Variants in PHLPP1 observed in about 807,000 individuals in gnomAD.
PHLPP1 encodes the protein PH domain leucine-rich repeat-containing protein phosphatase 1.
In PHLPP1, 42 loss-of-function variants were observed where a neutral mutation model predicts 117.2. That is an observed-to-expected ratio of 0.36 (90% CI 0.28 to 0.46). The LOEUF (loss-of-function observed/expected upper bound fraction) is 0.46. Ranked by LOEUF, PHLPP1 falls within the 20% of genes least tolerant of loss-of-function variation. PHLPP1 has a pLI of 1.00. For synonymous variants in PHLPP1, 1,042 were observed against 970.7 expected, an observed-to-expected ratio of 1.07 and a Z score of -1.37; for missense variants, 2,084 against 2,241.9, an observed-to-expected ratio of 0.93 and a Z score of 1.42.
At chr18:62,851,209 A>T (rs1325523986) in intron 3 of PHLPP1, among the ~76,000 whole-genome samples, 1 of 152,178 alleles carries the variant, frequency 6.6e-6, no homozygotes, top group Non-Finnish European at 1.5e-5. Context: ...AGAGCTGAGG[A>T]TACCTTGGAG....
At chr18:62,953,179 G>A (rs548521526) in intron 12 of PHLPP1, among the ~76,000 whole-genome samples, 1 of 152,308 alleles carries the variant, frequency 6.6e-6, no homozygotes, top group Admixed American at 6.5e-5. Context: ...AAATGTTCTA[G>A]TTCCTATAGC....
chr18:62,729,145 C>T (rs1340981684), intron 1 of PHLPP1, among the ~76,000 whole-genome samples: 1 of 152,150 alleles, frequency 6.6e-6, no homozygotes, highest in East Asian at 1.9e-4. Context: ...CAAATTAGAA[C>T]ATCTGCCATC....
In PHLPP1 at chr18:62,971,506, A is replaced by G. The variant is rs142427027; in HGVS notation, c.3561-1008A>G. On this transcript the variant is annotated intron_variant, in intron 14 of 16. Transcript: ENST00000262719. ...CTTTCCACATTTGCCGGGAACCACT[A>G]TCCTCCTCCAGTGCACTGACTGTGG... Among the ~76,000 whole-genome samples the G allele has an allele frequency of 4.4e-3, 669 of 151,810 alleles. 1 individual carries two copies. Among genetic ancestry groups the G allele is most frequent in the Non-Finnish European group, 6.3e-3 (429 of 67,956 alleles).
chr18:62,821,092 A>T (rs1362444672), intron 1 of PHLPP1, among the ~76,000 whole-genome samples: 2 of 152,200 alleles, frequency 1.3e-5, no homozygotes, highest in Non-Finnish European at 2.9e-5. Flanking sequence ...ACCAGAATTT[A>T]TGGGATGCAG....
intron 1 of PHLPP1, among the ~76,000 whole-genome samples, chr18:62,767,485 G>T (rs1912587347): frequency 6.6e-6 from 1 of 152,130 alleles, no homozygotes; most frequent in South Asian, 2.1e-4. Flanking sequence ...CCATTCTTCC[G>T]TACATGAAAA....
intron 4 of PHLPP1, among the ~76,000 whole-genome samples, chr18:62,874,693 TCTCG>T (rs1916003557): frequency 7.1e-6 from 1 of 140,590 alleles, no homozygotes; most frequent in Non-Finnish European, 1.5e-5. Flanking sequence ...ACACACACAC[TCTCG>T]CTCTCTGTCT....
chr18:62,873,781 G>A (rs909059602), intron 4 of PHLPP1, among the ~76,000 whole-genome samples: 2 of 152,172 alleles, frequency 1.3e-5, no homozygotes, highest in Admixed American at 1.3e-4. Flanking sequence ...CAAGAGTTAA[G>A]TTCTTAGGGC....
At chr18:62,965,067 A>AAAAT (rs1049214015) in intron 14 of PHLPP1, among the ~76,000 whole-genome samples, 6 of 152,210 alleles carry the variant, frequency 3.9e-5, no homozygotes, top group Non-Finnish European at 7.3e-5. Flanking sequence ...TTGAAAGAGA[A>AAAAT]AAATAAATAA....
intron 3 of PHLPP1, among the ~76,000 whole-genome samples, chr18:62,849,828 A>ATATATATATATATATATATATAT (rs1297336371): frequency 5.0e-4 from 13 of 26,108 alleles, no homozygotes; most frequent in African/African-American, 1.2e-3. Context: ...AAAAAAAAAA[A>ATATATATATATATATATATATAT]AAAAATATAT....
intron 2 of PHLPP1, among the ~76,000 whole-genome samples, chr18:62,830,953 C>T (rs909068752): frequency 6.6e-6 from 1 of 152,134 alleles, no homozygotes; most frequent in Non-Finnish European, 1.5e-5. Context: ...CACATTTTCC[C>T]CTATCTGTGT....
At chr18:62,824,305 GA>G (rs981453906) in intron 1 of PHLPP1, 15,973 of 291,688 alleles carry the variant, frequency 0.055, no homozygotes, top group South Asian at 0.086. Context: ...CATCAAAATA[GA>G]AAAAAAAAAA....
intron 13 of PHLPP1, among the ~76,000 whole-genome samples, chr18:62,959,273 C>T (rs1470638173): frequency 6.6e-6 from 1 of 152,096 alleles, no homozygotes; most frequent in Non-Finnish European, 1.5e-5. Flanking sequence ...AATAATGTTC[C>T]ACAATTGAAT....
intron 1 of PHLPP1, among the ~76,000 whole-genome samples, chr18:62,770,565 A>T (rs1226625919): frequency 6.6e-6 from 1 of 152,246 alleles, no homozygotes; most frequent in Non-Finnish European, 1.5e-5. Context: ...TGAGAACACC[A>T]TACATTCTTT....
Position 62,975,551 on chromosome 18 carries a change from C to G in PHLPP1, c.3910C>G (p.Leu1304Val). 1.9e-6 allele frequency: 3 copies of G among 1,613,998 alleles called. No individual in the cohort carries two copies. The highest frequency in any genetic ancestry group is 2.5e-6 in the Non-Finnish European group (3 of 1,179,854). Residue 1304 changes from leucine to valine, a missense_variant, in exon 16 of 17, where the codon CTG becomes GTG. Leu to Val is a conservative substitution (Grantham distance 32). Around this residue, in one of 2 missense-constraint regions of PHLPP1, gnomAD observed 1,365 missense variants for 1,605.9 expected, o/e 0.85. Coordinates refer to ENST00000262719, the MANE Select transcript of PHLPP1 (RefSeq NM_194449.4). The part of the protein sequence containing the change: ...VLCRNGKPLP[L>V]SRSYIMSCEE... ...CTGTCGAAATGGAAAGCCGCTGCCTCTGTCCAGATCTTACATCATGAGCTG... is the reference window on the plus strand; with the variant it reads ...CTGTCGAAATGGAAAGCCGCTGCCTGTGTCCAGATCTTACATCATGAGCTG...
At chr18:62,975,128 G>A (rs148952639) in intron 15 of PHLPP1, among the ~76,000 whole-genome samples, 1 of 152,186 alleles carries the variant, frequency 6.6e-6, no homozygotes. Context: ...AGGGGCACCC[G>A]CCTTCCAGAG....
In PHLPP1 at chr18:62,958,635, G is replaced by A. The variant is rs1333911353; in HGVS notation, c.3331G>A (p.Asp1111Asn). ...GCACTTGTTCTTTTTTCAGTGTGTG[G>A]ACCTGAGCTGTAATGAGCTAAGTGA... ...VMQLPEIKCVDLSCNELSEVT... is the reference protein window; with the variant it reads ...VMQLPEIKCVNLSCNELSEVT... Residue 1111 changes from aspartate (D) to asparagine (N), a missense_variant, in exon 13 of 17, where the codon GAC (aspartate) becomes AAC (asparagine). Physicochemically the swap from Asp to Asn is conservative, Grantham distance 23. Transcript: ENST00000262719. 1.9e-6 allele frequency: 3 copies of A among 1,613,744 alleles called. No individual in the cohort carries two copies.
intron 1 of PHLPP1, among the ~76,000 whole-genome samples, chr18:62,742,028 G>C (rs149503726): frequency 1.1e-3 from 171 of 152,114 alleles, no homozygotes; most frequent in African/African-American, 4.0e-3. Flanking sequence ...TGAATTCTCT[G>C]TTAAGTCTAG....
chr18:62,876,436 G>A (rs1366344371), intron 4 of PHLPP1, among the ~76,000 whole-genome samples: 1 of 152,040 alleles, frequency 6.6e-6, no homozygotes, highest in Non-Finnish European at 1.5e-5. Flanking sequence ...GTGACCTTTT[G>A]CTCTTCTGAA....
At chr18:62,926,347 C>G (rs193004391) in intron 10 of PHLPP1, among the ~76,000 whole-genome samples, 1 of 152,078 alleles carries the variant, frequency 6.6e-6, no homozygotes, top group African/African-American at 2.4e-5. Flanking sequence ...CCAGAACAAA[C>G]CAGAAAGGTT....
Sources: gnomAD v4.1 joint callset for allele counts (sites outside exome capture counted in the v4.1 genomes callset) on GRCh38, gnomAD v4.1.1 for gene constraint, gnomAD v4.1.1 regional missense constraint, MANE v1.5 for transcripts, NCBI Gene and HGNC (gene_info 2026-07-23, HGNC 2026-07-21) for gene names.